RNF123: variants seen among roughly 807,000 people sequenced by gnomAD.
RNF123 encodes the protein E3 ubiquitin-protein ligase RNF123.
A neutral mutation model predicts 168.5 loss-of-function variants in RNF123; 86 were observed. The ratio of observed to expected loss-of-function variants is 0.51; its 90% confidence interval spans 0.43 to 0.61. The LOEUF (loss-of-function observed/expected upper bound fraction) is 0.61. RNF123 is among the 20% of genes least tolerant of loss of function. The pLI is 0.00. For missense variants in RNF123, 1,419 were observed against 1,729.7 expected (o/e 0.82, Z 3.19); for synonymous variants, 666 against 689.1 (o/e 0.97, Z 0.52).
intron 35 of RNF123, chr3:49,719,340 G>A: frequency 6.2e-7 from 1 of 1,613,412 alleles, no homozygotes; most frequent in Non-Finnish European, 8.5e-7. Flanking sequence ...TTAGCAGGTC[G>A]GCAGCGCAGA....
rs777718511 is a variant in RNF123, at chr3:49,691,183, C to T, written c.18C>T (p.Ala6=). 39 of 1,613,740 alleles carry T rather than the reference C, an allele frequency of 2.4e-5. 1 individual carries two copies. The Middle Eastern group carries it at 5.0e-4, about 21-fold the overall frequency. The stretch of plus-strand genomic sequence containing the variant: ...GATGAAGGATGGCATCCAAGGGGGC[C>T]GGCATGTCTTTCTCCCGCAAGAGCT... MASKG[A]GMSFSRKSYR... The change falls in exon 2 of 39, where the codon GCC becomes GCT. Residue 6 remains alanine (A), a synonymous_variant. Transcript: ENST00000327697.
Position 49,715,684 on chromosome 3 carries a change from C to T in RNF123, c.3120C>T (p.Ala1040=). The T allele has an allele frequency of 6.2e-7, 1 of 1,614,228 alleles. No homozygotes were observed. Among genetic ancestry groups the T allele is most frequent in the Non-Finnish European group, 8.5e-7 (1 of 1,180,046 alleles). Residue 1040 remains alanine (A), a synonymous_variant, in exon 32 of 39, where the codon GCC becomes GCT. Transcript: ENST00000327697. ...GCGTCCTCAATCAGCTCAACTGGGC[C>T]TTCTCTGAATTCATTGGCATGATCC... ...LNSVLNQLNW[A]FSEFIGMIQE... is the part of the protein sequence containing the mutation.
chr3:49,720,699 G>A (rs748771656), intron 36 of RNF123, 46 bp downstream of exon 36: 31 of 1,597,820 alleles, frequency 1.9e-5, no homozygotes, highest in East Asian at 9.0e-5. Context: ...GGGCTGGGTC[G>A]GGTCAGGAGC....
intron 3 of RNF123, among the ~76,000 whole-genome samples, chr3:49,693,010 C>T (rs986253472): frequency 1.3e-5 from 2 of 151,694 alleles, no homozygotes; most frequent in African/African-American, 4.8e-5. Flanking sequence ...GTTGCTGGAT[C>T]ATATGGTAGC....
In RNF123 at chr3:49,699,238, T is replaced by C. The variant is rs999463677; in HGVS notation, c.764+133T>C. 5.4e-6 allele frequency: 7 copies of C among 1,291,514 alleles called. No homozygotes were observed. In the East Asian group the frequency reaches 7.3e-5, roughly 13 times the overall value. The allele number at this position is 1,291,514 out of a possible 1,614,324, so 80.0% of individuals were successfully genotyped here. A position where few individuals can be genotyped will look rare whatever the true frequency, so the allele number is the denominator to read the frequency against. On this transcript the variant is annotated intron_variant, in intron 10 of 38. Transcript: ENST00000327697. This position sits in a 1 kb window ranked among gnomAD's most constrained non-coding sequence, Gnocchi z 4.8. ...GCTGCAGAGTTAGTGGGGGGCCATG[T>C]AGAGTGTCGAAGAAAACTTTCCTCG...
rs776447354 is a variant in RNF123 at position 49,702,638 on chromosome 3, G to A, written c.1635G>A (p.Met545Ile). 1.2e-6 allele frequency: 2 copies of A among 1,614,126 alleles called. No individual in the cohort carries two copies. Among genetic ancestry groups the A allele is most frequent in the South Asian group, 1.1e-5 (1 of 91,092 alleles). ...TTCATGCCTGGTGTCCACAGAACAT[G>A]CCCATGCTCTGCCCCCCTGAGTACA... ...LQENASGRGNMPMLCPPEYMV... is the reference protein window; with the variant it reads ...LQENASGRGNIPMLCPPEYMV... Residue 545 changes from methionine to isoleucine, a missense_variant, in exon 20 of 39, where the codon ATG (methionine) becomes ATA (isoleucine). This residue lies in a region of RNF123 where 349 missense variants were observed against 344.9 expected (regional missense o/e 1.01). Coordinates refer to ENST00000327697, the MANE Select transcript of RNF123 (RefSeq NM_022064.5).
chr3:49,689,988 G>T (rs567795859), intron 1 of RNF123, among the ~76,000 whole-genome samples: 1 of 152,342 alleles, frequency 6.6e-6, no homozygotes, highest in East Asian at 1.9e-4. Flanking sequence ...ATGAATGACT[G>T]AGTTTAATCA....
Position 49,699,981 on chromosome 3 carries a change from A to C in RNF123, c.984+209A>C. ...CCAAGGGCATCAGGGGATGTCCTGG[A>C]AAGAAGACTGAAGGATAATAACATC... is the stretch of plus-strand genomic sequence containing the variant. On this transcript the variant is annotated intron_variant, in intron 12 of 38. Transcript: ENST00000327697. The surrounding 1 kb of genome is among the most constrained non-coding windows in gnomAD (Gnocchi z 4.8). 1.5e-6 allele frequency: 1 copy of C among 683,834 alleles called. No homozygotes were observed. Among genetic ancestry groups the C allele is most frequent in the Non-Finnish European group, 2.5e-6 (1 of 407,986 alleles). The allele number at this position is 683,834 out of a possible 1,614,324, so 42.4% of individuals were successfully genotyped here. A position where few individuals can be genotyped will look rare whatever the true frequency, so the allele number is the denominator to read the frequency against.
chr3:49,705,503 A>ACCCTTGACCCTTCCCTC (rs1462743383), intron 23 of RNF123, 31 bp from the exon 24 acceptor site: 1 of 1,558,580 alleles, frequency 6.4e-7, no homozygotes, highest in African/African-American at 1.4e-5. Context: ...GGATGGCCCT[A>ACCCTTGACCCTTCCCTC]CCCTTGACCC....
At chr3:49,700,076 T>G (rs1053899994) in intron 12 of RNF123, 151 bp from the exon 13 acceptor site, 8 of 1,116,184 alleles carry the variant, frequency 7.2e-6, no homozygotes, top group Non-Finnish European at 8.8e-6. Context: ...TGTCCCTCAG[T>G]CAGACCCCGG....
At chr3:49,714,940 G>A (rs2080210602) in intron 31 of RNF123, among the ~76,000 whole-genome samples, 1 of 152,268 alleles carries the variant, frequency 6.6e-6, no homozygotes. Context: ...GTGGTCCTGC[G>A]TCCAGGGCGG....
chr3:49,705,529 C>T lies in RNF123; in HGVS notation c.2159-5C>T, dbSNP rs1224341981. The stretch of plus-strand genomic sequence containing the variant: ...CCCTTGACCCTTCCCTCCCCAACTC[C>T]CCAGTTGAAGGCAGCCACTGGAATG... On this transcript the variant is annotated splice_region_variant and splice_polypyrimidine_tract_variant and intron_variant, in intron 23 of 38. Coordinates refer to ENST00000327697, the MANE Select transcript of RNF123 (RefSeq NM_022064.5). The T allele has an allele frequency of 2.5e-6, 4 of 1,584,922 alleles. No individual in the cohort carries two copies. The highest frequency in any genetic ancestry group is 3.4e-6 in the Non-Finnish European group (4 of 1,166,596).
chr3:49,716,154 G>A lies in RNF123; in HGVS notation c.3392G>A (p.Arg1131His), dbSNP rs1460793084. The stretch of plus-strand genomic sequence containing the variant: ...ACAGCTGAGAGGAACCTGTTTGATC[G>A]TGTGGTCACCCTACGGCTGCCTGGT... ...RVTAERNLFD[R>H]VVTLRLPGLE... The change falls in exon 34 of 39, where the codon CGT (arginine) becomes CAT (histidine). Residue 1131 changes from arginine (R) to histidine (H), a missense_variant. By Grantham distance (29) the Arg-to-His change is conservative. Coordinates refer to ENST00000327697, the MANE Select transcript of RNF123 (RefSeq NM_022064.5). 3 of 1,613,546 alleles carry A rather than the reference G, an allele frequency of 1.9e-6. No homozygotes were observed. The highest frequency in any genetic ancestry group is 2.7e-5 in the African/African-American group (2 of 74,934).
intron 21 of RNF123, among the ~76,000 whole-genome samples, chr3:49,703,872 G>A (rs776297748): frequency 1.3e-5 from 2 of 152,190 alleles, no homozygotes; most frequent in Non-Finnish European, 1.5e-5. Context: ...GCCCTGAGCC[G>A]GGCACAAGGG....
At chr3:49,716,610 AAGGTGGTG>A in intron 35 of RNF123, 133 bp downstream of exon 35, 1 of 803,996 alleles carries the variant, frequency 1.2e-6, no homozygotes, top group Non-Finnish European at 2.1e-6. Context: ...AGGCAGAGGG[AAGGTGGTG>A]AGGTGTGAAC....
intron 35 of RNF123, chr3:49,719,365 C>T (rs1269360142): frequency 1.2e-6 from 2 of 1,613,438 alleles, no homozygotes; most frequent in Non-Finnish European, 1.7e-6. Flanking sequence ...TTTGTAGGGG[C>T]AGTTGTGGAG....
chr3:49,718,299 C>G, intron 35 of RNF123: 7 of 1,613,190 alleles, frequency 4.3e-6, no homozygotes, highest in Non-Finnish European at 5.9e-6. Context: ...CGGCACAGCC[C>G]AGCAGTGTGG....
chr3:49,699,389 C>G lies in RNF123; in HGVS notation c.765-79C>G. The G allele has an allele frequency of 1.5e-6, 2 of 1,300,318 alleles. No homozygotes were observed. Among genetic ancestry groups the G allele is most frequent in the Non-Finnish European group, 2.2e-6 (2 of 927,196 alleles). 80.5% of individuals were successfully genotyped at this position (1,300,318 alleles called of 1,614,324 possible). On this transcript the variant is annotated intron_variant, in intron 10 of 38. Coordinates refer to ENST00000327697, the MANE Select transcript of RNF123 (RefSeq NM_022064.5). This position sits in a 1 kb window ranked among gnomAD's most constrained non-coding sequence, Gnocchi z 4.8. ...CAGCCCTGCCCTAGAGCCCAGGCCC[C>G]GGGGTGGGGGGTGGGCAGTGGAGAG... is the stretch of plus-strand genomic sequence containing the variant.
intron 20 of RNF123, 25 bp from the exon 21 acceptor site, chr3:49,703,402 G>A: frequency 1.3e-6 from 2 of 1,598,244 alleles, no homozygotes; most frequent in Non-Finnish European, 1.7e-6. Flanking sequence ...GTGACCACTG[G>A]CCTAGCCTCC....
Sources: gnomAD v4.1 joint callset for allele counts (sites outside exome capture counted in the v4.1 genomes callset) on GRCh38, gnomAD v4.1.1 for gene constraint, gnomAD v4.1.1 regional missense constraint, Gnocchi (gnomAD v3.1) non-coding constraint, MANE v1.5 for transcripts, NCBI Gene and HGNC (gene_info 2026-07-23, HGNC 2026-07-21) for gene names.